Variants in KCNQ2 observed in about 807,000 individuals in gnomAD.
KCNQ2 encodes potassium voltage-gated channel subfamily KQT member 2.
Under a neutral mutation model 84.8 loss-of-function variants are expected in KCNQ2, and 14 were observed. The ratio of observed to expected loss-of-function variants is 0.17; its 90% CI spans 0.11 to 0.26. KCNQ2 has a LOEUF of 0.26. Among genes scored for constraint, KCNQ2 ranks in the 10% least tolerant of loss-of-function variants. The pLI is 1.00. For synonymous variants in KCNQ2, 599 were observed against 554.1 expected (o/e 1.08, Z -1.14); for missense variants, 788 against 1,254.0 (o/e 0.63, Z 5.61).
chr20:63,452,733 C>T (rs911556504), intron 1 of KCNQ2, among the ~76,000 whole-genome samples: 3 of 152,160 alleles, frequency 2.0e-5, no homozygotes, highest in Non-Finnish European at 4.4e-5. Flanking sequence ...GGTCTCTCGC[C>T]GGCAGCTCGG....
chr20:63,470,512 C>G (rs528738138), intron 1 of KCNQ2, among the ~76,000 whole-genome samples: 144 of 152,326 alleles, frequency 9.5e-4, no homozygotes, highest in African/African-American at 3.3e-3. Flanking sequence ...GGCTGACCCA[C>G]GCAGGCCCAG....
chr20:63,436,258 G>A (rs183479027), intron 7 of KCNQ2, among the ~76,000 whole-genome samples: 14 of 152,288 alleles, frequency 9.2e-5, no homozygotes, highest in African/African-American at 2.2e-4. Context: ...ACAGCCGGGC[G>A]CAGTGGCTCA....
chr20:63,426,734 C>T (rs530107428), intron 10 of KCNQ2, among the ~76,000 whole-genome samples: 1 of 152,100 alleles, frequency 6.6e-6, no homozygotes, highest in Non-Finnish European at 1.5e-5. Context: ...ACAAGGACAG[C>T]CTTCCCTCCA....
chr20:63,446,661 G>A lies in KCNQ2; in HGVS notation c.387+86C>T. 1 of 1,144,132 alleles carries A rather than the reference G, an allele frequency of 8.7e-7. No individual in the cohort carries two copies. The highest frequency in any genetic ancestry group is 1.3e-6 in the Non-Finnish European group (1 of 755,954). The allele number at this position is 1,144,132 out of a possible 1,614,324, so 70.9% of individuals were successfully genotyped here. ...TGGGGCTGGGGGCGTCAGAGGCCCT[G>A]TAGTAACAGGAACGGAAGACAGACG... is the stretch of plus-strand genomic sequence containing the variant. On this transcript the variant is annotated intron_variant, in intron 2 of 16. Coordinates refer to ENST00000359125, the MANE Select transcript of KCNQ2 (RefSeq NM_172107.4). This position sits in a 1 kb window ranked among gnomAD's most constrained non-coding sequence, Gnocchi z 5.5.
rs192309302 is a variant in KCNQ2, at chr20:63,453,604, G to A, written c.297-6767C>T. 2.5e-3 allele frequency: 383 copies of A among 152,622 alleles called. 2 individuals carry two copies. Among genetic ancestry groups the A allele is most frequent in the Admixed American group, 5.8e-3 (88 of 15,304 alleles). The allele number at this position is 152,622 out of a possible 1,614,324, so 9.5% of individuals were successfully genotyped here. On this transcript the variant is annotated intron_variant, in intron 1 of 16. Transcript: ENST00000359125. The stretch of plus-strand genomic sequence containing the variant: ...CAGAGGCTTGGGAGGCAGGAGGGGC[G>A]CCGCGGGGACACAGAGGGCATCACA...
Position 63,414,961 on chromosome 20 carries a change from G to A in KCNQ2, c.1467C>T (p.Arg489=), listed in dbSNP as rs767486470. 4 of 1,612,488 alleles carry A rather than the reference G, an allele frequency of 2.5e-6. No homozygotes were observed. Among genetic ancestry groups the A allele is most frequent in the Middle Eastern group, 1.7e-4 (1 of 6,052 alleles). Residue 489 remains arginine, a synonymous_variant, in exon 13 of 17, where the codon CGC becomes CGT. Transcript: ENST00000359125. This position sits in a 1 kb window ranked among gnomAD's most constrained non-coding sequence, Gnocchi z 6.6. ...TGCGGAAAGCCTGGCGTGCCCGGCT[G>A]CGGTCCCCGAAGCTCCAGCTCTTGG... ...KVPKSWSFGD[R]SRARQAFRIK...
intron 15 of KCNQ2, chr20:63,411,760 C>A: frequency 1.7e-6 from 1 of 596,170 alleles, no homozygotes; most frequent in Non-Finnish European, 3.0e-6. Context: ...GTCGGAGAGG[C>A]GCTGGCATCC....
intron 10 of KCNQ2, among the ~76,000 whole-genome samples, chr20:63,424,740 C>T (rs761281151): frequency 6.6e-5 from 10 of 152,240 alleles, no homozygotes; most frequent in Non-Finnish European, 1.3e-4. Context: ...GTCCCGGCCT[C>T]GTCCTGCAGG....
Position 63,415,152 on chromosome 20 carries a change from G to GACAGACAA in KCNQ2, c.1302-27_1302-26insTTGTCTGT, listed in dbSNP as rs745798144. 1,569 of 1,576,250 alleles carry GACAGACAA rather than the reference G, an allele frequency of 1.0e-3. 29 individuals carry two copies. The South Asian group carries it at 0.016, about 16-fold the overall frequency. On this transcript the variant is annotated intron_variant, in intron 12 of 16. Coordinates refer to ENST00000359125, the MANE Select transcript of KCNQ2 (RefSeq NM_172107.4). Reference sequence around the variant, plus strand: ...CTGCTCCCACGGGAACCGACAGACAGACAGAAAAACAGGGAGAGAAGTCAC... The same window carrying GACAGACAA: ...CTGCTCCCACGGGAACCGACAGACAGACAGACAAACAGAAAAACAGGGAGAGAAGTCAC...
At chr20:63,448,747 C>T (rs571949124) in intron 1 of KCNQ2, among the ~76,000 whole-genome samples, 3 of 152,278 alleles carry the variant, frequency 2.0e-5, no homozygotes, top group East Asian at 3.9e-4. Context: ...GGCACAGGCA[C>T]GGGCATCCTG....
rs2079794536 is a variant in KCNQ2 at position 63,400,829 on chromosome 20, C to G, written c.*5815G>C. On this transcript the variant is annotated 3_prime_UTR_variant, in exon 17 of 17. Transcript: ENST00000359125. The surrounding 1 kb of genome is among the most constrained non-coding windows in gnomAD (Gnocchi z 8.7). ...GAGACCCCTCCTGCCCTGCGCGTGT[C>G]TCTGGAGCCCGTCCCTTGGGCCCCT... 2.5e-6 allele frequency: 1 copy of G among 398,456 alleles called. No individual in the cohort carries two copies. The allele number at this position is 398,456 out of a possible 1,614,324, so 24.7% of individuals were successfully genotyped here. A position where few individuals can be genotyped will look rare whatever the true frequency, so the allele number is the denominator to read the frequency against.
chr20:63,406,884 C>T lies in KCNQ2; in HGVS notation c.2379G>A (p.Val793=). The change falls in exon 17 of 17, where the codon GTG becomes GTA. Residue 793 remains valine (V), a synonymous_variant. Coordinates refer to ENST00000359125, the MANE Select transcript of KCNQ2 (RefSeq NM_172107.4). ...DSDTSISIPS[V]DHEELERSFS... Reference sequence around the variant, plus strand: ...AGGAACGCTCCAGCTCCTCGTGGTCCACGGACGGGATGGAGATGGACGTGT... The same window carrying T: ...AGGAACGCTCCAGCTCCTCGTGGTCTACGGACGGGATGGAGATGGACGTGT... 1 of 1,611,930 alleles carries T rather than the reference C, an allele frequency of 6.2e-7. No individual in the cohort carries two copies. The highest frequency in any genetic ancestry group is 1.1e-5 in the South Asian group (1 of 90,938).
chr20:63,419,812 G>A (rs779698209), intron 11 of KCNQ2, 140 bp from the exon 12 acceptor site: 87 of 748,364 alleles, frequency 1.2e-4, no homozygotes, highest in Middle Eastern at 3.4e-4. Flanking sequence ...CAAGGCCAGC[G>A]AGGAAGGTGC....
chr20:63,429,682 G>C (rs957251627), intron 9 of KCNQ2, among the ~76,000 whole-genome samples: 1 of 152,094 alleles, frequency 6.6e-6, no homozygotes, highest in East Asian at 1.9e-4. Flanking sequence ...GCAAAAGGAT[G>C]GCTGACTCCA....
chr20:63,430,612 C>A (rs1275304925), intron 9 of KCNQ2, among the ~76,000 whole-genome samples: 6 of 152,216 alleles, frequency 3.9e-5, no homozygotes, highest in Non-Finnish European at 8.8e-5. Flanking sequence ...CAGGTAAAGG[C>A]CCTTTGTGCT....
chr20:63,413,349 C>G, intron 15 of KCNQ2, 101 bp downstream of exon 15: 1 of 1,456,164 alleles, frequency 6.9e-7, no homozygotes. Context: ...GGAGGCCCCG[C>G]CCACACACCC....
chr20:63,432,164 G>A (rs1391939231), intron 8 of KCNQ2, among the ~76,000 whole-genome samples: 4 of 148,872 alleles, frequency 2.7e-5, no homozygotes, highest in Non-Finnish European at 4.5e-5. Context: ...CCACCCTCAG[G>A]GAAGGCCACA....
intron 1 of KCNQ2, among the ~76,000 whole-genome samples, chr20:63,458,495 C>G (rs1440733948): frequency 6.6e-6 from 1 of 152,214 alleles, no homozygotes; most frequent in African/African-American, 2.4e-5. Context: ...GCCGCCCCCT[C>G]ATCCCCCAGG....
intron 15 of KCNQ2, chr20:63,412,012 A>G: frequency 1.6e-6 from 1 of 622,060 alleles, no homozygotes; most frequent in Non-Finnish European, 2.9e-6. Context: ...GCTCTCCCAC[A>G]GAGGGTGTGG....
Sources: allele counts gnomAD v4.1 joint callset (sites outside exome capture counted in the v4.1 genomes callset), GRCh38; gene constraint gnomAD v4.1.1; non-coding constraint Gnocchi (gnomAD v3.1); transcripts MANE v1.5; gene names NCBI Gene and HGNC (gene_info 2026-07-23, HGNC 2026-07-21).